The following RBFOX1 variants were observed in gnomAD, a reference collection of about 807,000 sequenced individuals.
RBFOX1 encodes the protein RNA binding protein fox-1 homolog 1.
Under a neutral mutation model 57.7 loss-of-function variants are expected in RBFOX1, and 8 were observed. That is an observed-to-expected ratio of 0.14 (90% CI 0.08 to 0.25). RBFOX1 has a LOEUF of 0.25. RBFOX1 is among the 10% of genes least tolerant of loss of function. The pLI, the probability that RBFOX1 is intolerant of heterozygous loss-of-function variation, is 1.00. For synonymous variants in RBFOX1, 326 were observed against 222.4 expected (o/e 1.47, Z -4.15); for missense variants, 611 against 548.5 (o/e 1.11, Z -1.14).
At chr16:6,527,198 C>A (rs115932470) in intron 2 of RBFOX1, among the ~76,000 whole-genome samples, 1 of 152,102 alleles carries the variant, frequency 6.6e-6, no homozygotes, top group African/African-American at 2.4e-5. Flanking sequence ...CTCCTATCTA[C>A]CTATGATCTC....
intron 4 of RBFOX1, among the ~76,000 whole-genome samples, chr16:7,221,410 A>T (rs2092722039): frequency 6.6e-6 from 1 of 151,500 alleles, no homozygotes; most frequent in South Asian, 2.1e-4. Context: ...TCTGTCGTCC[A>T]GGATAGAGTG....
intron 2 of RBFOX1, among the ~76,000 whole-genome samples, chr16:6,516,986 C>T (rs2096392450): frequency 6.6e-6 from 1 of 152,146 alleles, no homozygotes. Flanking sequence ...GAGGCTAGGT[C>T]AGAAGCTGTG....
intron 4 of RBFOX1, among the ~76,000 whole-genome samples, chr16:7,136,764 C>T (rs574004931): frequency 2.0e-4 from 30 of 152,286 alleles, no homozygotes; most frequent in South Asian, 1.2e-3. Context: ...GCACAGTCAT[C>T]AGGTGGATAG....
At chr16:5,703,787 GTA>G (rs374938859) in intron 3 of RBFOX1, among the ~76,000 whole-genome samples, 11 of 151,956 alleles carry the variant, frequency 7.2e-5, no homozygotes, top group Non-Finnish European at 1.2e-4. Context: ...ATGTGTGTGA[GTA>G]TATATATATG....
chr16:7,197,128 A>G (rs977606622), intron 4 of RBFOX1, among the ~76,000 whole-genome samples: 1 of 152,084 alleles, frequency 6.6e-6, no homozygotes, highest in Non-Finnish European at 1.5e-5. Flanking sequence ...TTCTCTACCC[A>G]TCTCCAATCT....
chr16:7,608,471 G>C (rs1173826541), intron 10 of RBFOX1, among the ~76,000 whole-genome samples: 1 of 152,228 alleles, frequency 6.6e-6, no homozygotes, highest in Non-Finnish European at 1.5e-5. Context: ...CCTGGGTTAA[G>C]TCCAGGGATT....
At chr16:7,572,264 T>G (rs2092861386) in intron 5 of RBFOX1, among the ~76,000 whole-genome samples, 1 of 152,242 alleles carries the variant, frequency 6.6e-6, no homozygotes, top group South Asian at 2.1e-4. Flanking sequence ...TATACATTTA[T>G]CATTTTATGT....
intron 1 of RBFOX1, among the ~76,000 whole-genome samples, chr16:6,212,443 C>A (rs574065361): frequency 1.3e-4 from 20 of 151,684 alleles, no homozygotes; most frequent in African/African-American, 4.3e-4. Flanking sequence ...TTTTGGCTCA[C>A]CCCTGTAATC....
intron 4 of RBFOX1, among the ~76,000 whole-genome samples, chr16:7,145,748 C>G (rs1005402928): frequency 1.3e-5 from 2 of 152,044 alleles, no homozygotes; most frequent in African/African-American, 4.8e-5. Context: ...GTGGTATGGC[C>G]CTGTATTAGG....
intron 2 of RBFOX1, among the ~76,000 whole-genome samples, chr16:6,406,133 C>T (rs1392678683): frequency 1.3e-5 from 2 of 152,196 alleles, no homozygotes; most frequent in African/African-American, 2.4e-5. Context: ...AGGCTAAAGA[C>T]CATGTGTTTT....
intron 1 of RBFOX1, among the ~76,000 whole-genome samples, chr16:6,116,938 G>C (rs189549132): frequency 9.2e-4 from 140 of 152,276 alleles, no homozygotes; most frequent in Middle Eastern, 3.4e-3. Flanking sequence ...AGGCTCTACA[G>C]TAAAGGTATT....
At chr16:6,714,648 C>A (rs980484556) in intron 3 of RBFOX1, among the ~76,000 whole-genome samples, 38 of 152,086 alleles carry the variant, frequency 2.5e-4, no homozygotes, top group African/African-American at 8.9e-4. Context: ...CATATTACAG[C>A]CAGGTCCATG....
intron 1 of RBFOX1, among the ~76,000 whole-genome samples, chr16:6,052,156 A>G (rs1009444647): frequency 4.6e-5 from 7 of 152,114 alleles, no homozygotes; most frequent in South Asian, 2.1e-4. Context: ...GAACAATTCA[A>G]CGCTGCTCCG....
chr16:6,738,863 A>G (rs1396830655), intron 3 of RBFOX1, among the ~76,000 whole-genome samples: 5 of 152,202 alleles, frequency 3.3e-5, no homozygotes, highest in Non-Finnish European at 7.3e-5. Flanking sequence ...CTTGGAAGCT[A>G]AACAGTAAAC....
chr16:6,182,758 C>G (rs2097074173), intron 1 of RBFOX1, among the ~76,000 whole-genome samples: 2 of 152,224 alleles, frequency 1.3e-5, no homozygotes, highest in African/African-American at 2.4e-5. Flanking sequence ...GTACCTCTAA[C>G]TTACATCCTT....
At chr16:6,233,707 C>T (rs2097483463) in intron 1 of RBFOX1, among the ~76,000 whole-genome samples, 2 of 152,126 alleles carry the variant, frequency 1.3e-5, no homozygotes, top group Non-Finnish European at 2.9e-5. Context: ...CTCCTGGCCT[C>T]AAGTGATCCT....
At chr16:6,297,907 A>G (rs1259185816) in intron 1 of RBFOX1, among the ~76,000 whole-genome samples, 2 of 152,160 alleles carry the variant, frequency 1.3e-5, no homozygotes, top group East Asian at 3.9e-4. Flanking sequence ...CCATCTATCC[A>G]GATGAGAGCC....
At chr16:7,404,055 T>TTTATTTTATTTTATTTTATC (rs2098292689) in intron 4 of RBFOX1, among the ~76,000 whole-genome samples, 1 of 150,196 alleles carries the variant, frequency 6.7e-6, no homozygotes, top group Non-Finnish European at 1.5e-5. Flanking sequence ...TTTATTTTAT[T>TTTATTTTATTTTATTTTATC]TTATTTTATT....
At chr16:5,518,404 C>T (rs2043875003) in intron 2 of RBFOX1, among the ~76,000 whole-genome samples, 1 of 152,104 alleles carries the variant, frequency 6.6e-6, no homozygotes, top group South Asian at 2.1e-4. Context: ...GTCAAGATCC[C>T]CTCTGCTTTT....
Sources: allele counts gnomAD v4.1 joint callset (sites outside exome capture counted in the v4.1 genomes callset), GRCh38; gene constraint gnomAD v4.1.1; transcripts MANE v1.5; gene names NCBI Gene and HGNC (gene_info 2026-07-23, HGNC 2026-07-21).